GPR137: variants seen among roughly 807,000 people sequenced by gnomAD.
GPR137 encodes the protein integral membrane protein GPR137.
GPR137 carries 20 observed loss-of-function variants against 38.9 expected under a neutral mutation model. The ratio of observed to expected loss-of-function variants is 0.51; its 90% CI spans 0.36 to 0.75. The LOEUF is 0.75. GPR137 is among the 30% of genes least tolerant of loss of function. GPR137 has a pLI of 0.00. For missense variants in GPR137, 456 were observed against 526.4 expected (o/e 0.87, Z 1.31); for synonymous variants, 226 against 235.8 (o/e 0.96, Z 0.38).
chr11:64,278,294 T>C (rs1384738536), intron 2 of GPR137, among the ~76,000 whole-genome samples: 1 of 150,882 alleles, frequency 6.6e-6, no homozygotes, highest in Non-Finnish European at 1.5e-5. Context: ...ACCTGGGAGG[T>C]AGAGGTTGCT....
At chr11:64,284,192 G>A, upstream of GPR137, 1 of 1,596,908 alleles carries the variant, frequency 6.3e-7, no homozygotes, top group Non-Finnish European at 8.5e-7. Flanking sequence ...CTCCATGATG[G>A]CTGCTGCTGG....
Position 64,287,857 on chromosome 11 carries a change from C to A in GPR137, c.544C>A (p.Leu182Met). 6.2e-7 allele frequency: 1 copy of A among 1,605,168 alleles called. No homozygotes were observed. The highest frequency in any genetic ancestry group is 8.5e-7 in the Non-Finnish European group (1 of 1,179,938). The change falls in exon 3 of 7, where the codon CTG (leucine) becomes ATG (methionine). Residue 182 changes from leucine to methionine, a missense_variant. Transcript: ENST00000438980. Reference protein sequence around the residue: ...LLVRVLVSDSLFVICALSLAA... With the variant: ...LLVRVLVSDSMFVICALSLAA... Reference sequence around the variant, plus strand: ...TGTCCGCGTCCTGGTGAGCGACTCCCTGTTCGTCATCTGCGCGCTGTCTCT... The same window carrying A: ...TGTCCGCGTCCTGGTGAGCGACTCCATGTTCGTCATCTGCGCGCTGTCTCT...
upstream of GPR137, chr11:64,285,353 G>A: frequency 7.1e-6 from 7 of 985,192 alleles, no homozygotes; most frequent in Non-Finnish European, 7.2e-6. Context: ...GCCCGTGGGG[G>A]CTTCACGCCT....
At chr11:64,287,256 A>C (rs922343899) in intron 2 of GPR137, 4 of 985,338 alleles carry the variant, frequency 4.1e-6, no homozygotes, top group Non-Finnish European at 4.8e-6. Context: ...GTCATCCACC[A>C]TGGAGGGCGA....
upstream of GPR137, chr11:64,285,786 C>A (rs896234423): frequency 4.1e-6 from 4 of 985,170 alleles, no homozygotes; most frequent in East Asian, 2.3e-4. Context: ...CGGAGCCAGC[C>A]GGGCCGCTGC....
At chr11:64,283,647 C>T (rs2033633560), upstream of GPR137, among the ~76,000 whole-genome samples, 1 of 152,220 alleles carries the variant, frequency 6.6e-6, no homozygotes. Flanking sequence ...AGCATGTAGC[C>T]TGGGGCAGGG....
chr11:64,272,637 T>C (rs563886674), upstream of GPR137: 3 of 152,320 alleles, frequency 2.0e-5, no homozygotes, highest in Admixed American at 6.5e-5. Flanking sequence ...GACATTCCCT[T>C]ATTATCCTCC....
chr11:64,284,567 TCC>T, upstream of GPR137: 1 of 1,493,254 alleles, frequency 6.7e-7, no homozygotes, highest in Non-Finnish European at 8.9e-7. Flanking sequence ...GACCTCAGTC[TCC>T]CCTCAGAACC....
In GPR137 at chr11:64,287,720, G is replaced by A; in HGVS notation, c.408-1G>A. The stretch of plus-strand genomic sequence containing the variant: ...CCGCGCTGACTGTGCTGTGGCTGCA[G>A]GCTCGCTGTCCGAGGGGCCTTTGTG... On this transcript the variant is annotated splice_acceptor_variant, in intron 2 of 6. Coordinates refer to ENST00000438980, the MANE Select transcript of GPR137 (RefSeq NM_001170880.2). LOFTEE classifies it high-confidence loss of function. The A allele has an allele frequency of 6.2e-7, 1 of 1,603,718 alleles. No homozygotes were observed. The highest frequency in any genetic ancestry group is 8.5e-7 in the Non-Finnish European group (1 of 1,179,886).
At chr11:64,285,425 CG>C (rs1207425155), upstream of GPR137, 1 of 983,704 alleles carries the variant, frequency 1.0e-6, no homozygotes, top group African/African-American at 1.8e-5. Flanking sequence ...CGGGCCCGCG[CG>C]GGGGATTCGG....
chr11:64,274,267 G>A (rs1362467529), upstream of GPR137, among the ~76,000 whole-genome samples: 1 of 151,936 alleles, frequency 6.6e-6, no homozygotes, highest in Non-Finnish European at 1.5e-5. Context: ...TGGCGCCTTA[G>A]TTCCAGCTAC....
upstream of GPR137, chr11:64,284,259 T>C: frequency 6.2e-7 from 1 of 1,611,390 alleles, no homozygotes; most frequent in Non-Finnish European, 8.5e-7. Flanking sequence ...CTGGCGATGA[T>C]GCTTGCCGGA....
At position 64,286,356 on chromosome 11, in the gene GPR137, AG is replaced by A; in HGVS notation, c.-166del. ...AGGCTGCCTGTGTTCCCCAAGGGCA[AG>A]GGTCTCTCTGTTGAGGAGGAGGGGC... On this transcript the variant is annotated 5_prime_UTR_variant, in exon 1 of 7. The change abolishes the stop of an existing upstream ORF in the 5' untranslated region. Coordinates refer to ENST00000438980, the MANE Select transcript of GPR137 (RefSeq NM_001170880.2). 7.1e-7 allele frequency: 1 copy of A among 1,403,608 alleles called. No homozygotes were observed. Among genetic ancestry groups the A allele is most frequent in the Non-Finnish European group, 9.2e-7 (1 of 1,084,702 alleles). 86.9% of individuals were successfully genotyped at this position (1,403,608 alleles called of 1,614,324 possible). A position where few individuals can be genotyped will look rare whatever the true frequency, so the allele number is the denominator to read the frequency against.
At chr11:64,277,862 C>A (rs1248921862) in intron 2 of GPR137, among the ~76,000 whole-genome samples, 1 of 152,196 alleles carries the variant, frequency 6.6e-6, no homozygotes, top group Non-Finnish European at 1.5e-5. Flanking sequence ...TGAAAGGAAA[C>A]CATAATCAAT....
Position 64,287,017 on chromosome 11 carries a change from A to G in GPR137, c.407+3A>G. The stretch of plus-strand genomic sequence containing the variant: ...CGGCCGGAGATGAGCCGAGGCTTGT[A>G]AGTACTCGGGACACTGGTGGGCTCA... On this transcript the variant is annotated splice_donor_region_variant and intron_variant, in intron 2 of 6. Coordinates refer to ENST00000438980, the MANE Select transcript of GPR137 (RefSeq NM_001170880.2). 2 of 1,613,340 alleles carry G rather than the reference A, an allele frequency of 1.2e-6. No homozygotes were observed. Among genetic ancestry groups the G allele is most frequent in the Non-Finnish European group, 1.7e-6 (2 of 1,179,778 alleles).
upstream of GPR137, among the ~76,000 whole-genome samples, chr11:64,283,963 C>G (rs1394633839): frequency 1.3e-5 from 2 of 152,196 alleles, no homozygotes; most frequent in Non-Finnish European, 2.9e-5. Context: ...TAATGTGCAC[C>G]AGCTCTGTAA....
chr11:64,287,916 G>A lies in GPR137; in HGVS notation c.603G>A (p.Ala201=), dbSNP rs752598687. The change falls in exon 3 of 7, where the codon GCG becomes GCA. Residue 201 remains alanine (A), a synonymous_variant. Coordinates refer to ENST00000438980, the MANE Select transcript of GPR137 (RefSeq NM_001170880.2). ...GCCTCTGCCTCGTCGCCAGGCGGGC[G>A]CCCTCCACTAGCATCTACCTGGAGG... ...AACLCLVARR[A]PSTSIYLEAK... The A allele has an allele frequency of 1.0e-5, 16 of 1,601,614 alleles. No homozygotes were observed. The Admixed American group carries it at 1.3e-4, about 13-fold the overall frequency.
upstream of GPR137, chr11:64,271,768 A>T: frequency 7.0e-7 from 1 of 1,425,494 alleles, no homozygotes; most frequent in Non-Finnish European, 9.2e-7. Flanking sequence ...GCGGGGTAGG[A>T]GCTGTGGCGA....
intron 2 of GPR137, chr11:64,276,829 G>C: frequency 1.4e-6 from 1 of 703,114 alleles, no homozygotes; most frequent in Non-Finnish European, 2.6e-6. Flanking sequence ...TCCGCCTAGA[G>C]CCTGGCCCGG....
Sources: allele counts gnomAD v4.1 joint callset (sites outside exome capture counted in the v4.1 genomes callset), GRCh38; gene constraint gnomAD v4.1.1; transcripts MANE v1.5; gene names NCBI Gene and HGNC (gene_info 2026-07-23, HGNC 2026-07-21).